The following SGMS1 variants were observed in gnomAD, a reference collection of about 807,000 sequenced individuals.
The protein encoded by SGMS1 is phosphatidylcholine:ceramide cholinephosphotransferase 1.
In SGMS1, 13 loss-of-function variants were observed where a neutral mutation model predicts 46.2. That is an observed-to-expected ratio of 0.28 (90% CI 0.18 to 0.45). The LOEUF is 0.45. Among genes scored for constraint, SGMS1 ranks in the 20% least tolerant of loss-of-function variants. The pLI is 1.00. For missense variants in SGMS1, 324 were observed against 519.9 expected, an observed-to-expected ratio of 0.62 and a Z score of 3.66; for synonymous variants, 203 against 187.8, an observed-to-expected ratio of 1.08 and a Z score of -0.66.
rs750349777 is a variant in SGMS1, at chr10:50,458,339, CTTTTTTTTTTTTTTTTTT to C, written c.-313+2316_-313+2333del. On this transcript the variant is annotated intron_variant, in intron 5 of 10. Coordinates refer to ENST00000361781, the MANE Select transcript of SGMS1 (RefSeq NM_147156.4). ...TCTGGCTCTGCTATTTTCTTTTTCT[CTTTTTTTTTTTTTTTTTT>C]TTTTTTTTTTTTGTTTGAGGTGGAG... is the stretch of plus-strand genomic sequence containing the variant. Among the ~76,000 whole-genome samples the C allele has an allele frequency of 1.6e-4, 16 of 97,142 alleles. No individual in the cohort carries two copies. The South Asian group carries it at 4.4e-3, about 27-fold the overall frequency. 63.7% of individuals were successfully genotyped at this position (97,142 alleles called of 152,430 possible).
chr10:50,405,314 C>T (rs1054293500), intron 6 of SGMS1, among the ~76,000 whole-genome samples: 3 of 152,022 alleles, frequency 2.0e-5, no homozygotes, highest in African/African-American at 4.8e-5. Flanking sequence ...AAATCAAAGG[C>T]TTTTCAGGAG....
In SGMS1 at chr10:50,331,897, C is replaced by A. The variant is rs141739775; in HGVS notation, c.624-4575G>T. On this transcript the variant is annotated intron_variant, in intron 7 of 10. Transcript: ENST00000361781. ...CCAGGAACTTGGCCCTCACTAGATACTAATCAGCCTGCACCTTGAGCTTGG... is the reference window on the plus strand; with the variant it reads ...CCAGGAACTTGGCCCTCACTAGATAATAATCAGCCTGCACCTTGAGCTTGG... 1.6e-3 allele frequency among the ~76,000 whole-genome samples: 242 copies of A among 152,308 alleles called. 1 individual carries two copies. Among genetic ancestry groups the A allele is most frequent in the African/African-American group, 5.3e-3 (219 of 41,560 alleles).
intron 6 of SGMS1, among the ~76,000 whole-genome samples, chr10:50,374,269 G>A (rs1370904047): frequency 6.6e-6 from 1 of 152,144 alleles, no homozygotes; most frequent in African/African-American, 2.4e-5. Context: ...GCCTAACTAG[G>A]TTAAAACGTC....
At chr10:50,456,031 T>C (rs1206851044) in intron 5 of SGMS1, among the ~76,000 whole-genome samples, 1 of 152,102 alleles carries the variant, frequency 6.6e-6, no homozygotes, top group Non-Finnish European at 1.5e-5. Context: ...ATGGTAAATA[T>C]CAAACCCAAG....
intron 6 of SGMS1, among the ~76,000 whole-genome samples, chr10:50,421,469 GAA>G (rs1314131301): frequency 2.0e-5 from 3 of 152,120 alleles, no homozygotes; most frequent in African/African-American, 7.2e-5. Flanking sequence ...AAATAAAACT[GAA>G]GAGACCCAAG....
intron 3 of SGMS1, among the ~76,000 whole-genome samples, chr10:50,499,401 G>T (rs1389312260): frequency 6.6e-6 from 1 of 152,126 alleles, no homozygotes; most frequent in Non-Finnish European, 1.5e-5. Context: ...ATGATAAGGA[G>T]GAGGAAAGTC....
At chr10:50,409,066 A>C (rs1849062071) in intron 6 of SGMS1, among the ~76,000 whole-genome samples, 1 of 152,202 alleles carries the variant, frequency 6.6e-6, no homozygotes, top group African/African-American at 2.4e-5. Flanking sequence ...CTCACTTTGG[A>C]AAGAGGTAAT....
At chr10:50,498,598 T>C (rs909565374) in intron 3 of SGMS1, among the ~76,000 whole-genome samples, 3 of 152,248 alleles carry the variant, frequency 2.0e-5, no homozygotes, top group Non-Finnish European at 2.9e-5. Flanking sequence ...TCACTTACTA[T>C]AATGTCCTCA....
intron 1 of SGMS1, among the ~76,000 whole-genome samples, chr10:50,597,179 G>A (rs1037530752): frequency 1.3e-5 from 2 of 152,162 alleles, no homozygotes; most frequent in Admixed American, 6.5e-5. Context: ...AACACATATC[G>A]TAATGGGCAC....
intron 7 of SGMS1, among the ~76,000 whole-genome samples, chr10:50,339,606 A>C (rs147538649): frequency 1.3e-5 from 2 of 152,322 alleles, no homozygotes; most frequent in East Asian, 3.9e-4. Flanking sequence ...TCCTTTACTC[A>C]GTGGAGCATC....
intron 5 of SGMS1, among the ~76,000 whole-genome samples, chr10:50,452,239 A>G (rs1837119289): frequency 2.6e-5 from 4 of 152,170 alleles, no homozygotes; most frequent in African/African-American, 9.7e-5. Context: ...CCAAGACATC[A>G]AAGTCTCAGC....
At chr10:50,431,196 C>CA (rs1849400789) in intron 6 of SGMS1, among the ~76,000 whole-genome samples, 1 of 152,180 alleles carries the variant, frequency 6.6e-6, no homozygotes. Flanking sequence ...GCAAGTCTCT[C>CA]AGATTTTAAC....
rs148213068 is a variant in SGMS1, at chr10:50,607,713, T to C, written c.-684+15994A>G. ...TTCTGCTTCTGAGATTATCCAGATA[T>C]ATTCTCCTTCAAACAGTGCACAAAG... On this transcript the variant is annotated intron_variant, in intron 1 of 10. Coordinates refer to ENST00000361781, the MANE Select transcript of SGMS1 (RefSeq NM_147156.4). 4.0e-3 allele frequency among the ~76,000 whole-genome samples: 615 copies of C among 152,302 alleles called. 2 individuals carry two copies. The highest frequency in any genetic ancestry group is 6.8e-3 in the Middle Eastern group (2 of 294).
chr10:50,474,710 A>G (rs1248718831), intron 3 of SGMS1, among the ~76,000 whole-genome samples: 2 of 152,128 alleles, frequency 1.3e-5, no homozygotes, highest in African/African-American at 2.4e-5. Flanking sequence ...CTTATACTCA[A>G]TGCCCTGCCT....
At chr10:50,517,572 A>T (rs1837816873) in intron 3 of SGMS1, among the ~76,000 whole-genome samples, 1 of 152,194 alleles carries the variant, frequency 6.6e-6, no homozygotes, top group African/African-American at 2.4e-5. Flanking sequence ...ACCTCCATTT[A>T]ATCAAAACCA....
chr10:50,410,318 C>T (rs544980254), intron 6 of SGMS1, among the ~76,000 whole-genome samples: 13 of 152,174 alleles, frequency 8.5e-5, no homozygotes, highest in African/African-American at 3.1e-4. Context: ...GGGAAGCCAG[C>T]TGGTCCTTAG....
At chr10:50,412,510 T>C (rs1849114944) in intron 6 of SGMS1, among the ~76,000 whole-genome samples, 2 of 152,174 alleles carry the variant, frequency 1.3e-5, no homozygotes, top group Admixed American at 1.3e-4. Flanking sequence ...CTCTTACGGA[T>C]AAGCTACACA....
At chr10:50,531,306 C>G (rs1379838231) in intron 2 of SGMS1, among the ~76,000 whole-genome samples, 1 of 152,108 alleles carries the variant, frequency 6.6e-6, no homozygotes, top group Non-Finnish European at 1.5e-5. Context: ...ACTCTCTGCT[C>G]AACTTTTACT....
intron 2 of SGMS1, among the ~76,000 whole-genome samples, chr10:50,577,658 C>A (rs1342683931): frequency 6.6e-6 from 1 of 152,182 alleles, no homozygotes; most frequent in Non-Finnish European, 1.5e-5. Context: ...TTTAGGAAAC[C>A]TCTGAATCTG....
Sources: allele counts gnomAD v4.1 joint callset (sites outside exome capture counted in the v4.1 genomes callset), GRCh38; gene constraint gnomAD v4.1.1; transcripts MANE v1.5; gene names NCBI Gene and HGNC (gene_info 2026-07-23, HGNC 2026-07-21).